Variants in TAS2R1 observed in about 807,000 individuals in gnomAD.
The protein encoded by TAS2R1 is taste receptor type 2 member 1.
For missense variants in TAS2R1, 370 were observed against 353.4 expected, an observed-to-expected ratio of 1.05 and a Z score of -0.38; for synonymous variants, 141 against 134.2, an observed-to-expected ratio of 1.05 and a Z score of -0.35.
the TAS2R1 span, among the ~76,000 whole-genome samples, chr5:9,855,568 T>C: frequency 1.3e-5 from 2 of 152,280 alleles, no homozygotes; most frequent in East Asian, 3.9e-4. Flanking sequence ...CTTCAAGTAA[T>C]TGGGCAAATG....
At chr5:9,641,601 C>A (rs1437410563) in intron 2 of TAS2R1, 2 of 152,194 alleles carry the variant, frequency 1.3e-5, no homozygotes, top group Non-Finnish European at 2.9e-5. Context: ...GAATGAGCCT[C>A]CTTTCAGTGC....
At chr5:9,821,904 T>C in the TAS2R1 span, among the ~76,000 whole-genome samples, 18 of 152,322 alleles carry the variant, frequency 1.2e-4, no homozygotes, top group African/African-American at 4.1e-4. Flanking sequence ...CAGTTTCACA[T>C]GTATAAAATC....
At chr5:9,744,204 T>C in the TAS2R1 span, among the ~76,000 whole-genome samples, 1 of 152,218 alleles carries the variant, frequency 6.6e-6, no homozygotes. Flanking sequence ...GGTTTTGACA[T>C]TTTTAAGACT....
chr5:9,661,704 G>A (rs1013336571), intron 1 of TAS2R1, among the ~76,000 whole-genome samples: 2 of 152,096 alleles, frequency 1.3e-5, no homozygotes, highest in African/African-American at 2.4e-5. Flanking sequence ...TTTATAAAAC[G>A]AAAACTAGAT....
intron 1 of TAS2R1, among the ~76,000 whole-genome samples, chr5:9,688,998 G>T (rs941164791): frequency 3.3e-5 from 5 of 152,084 alleles, no homozygotes; most frequent in African/African-American, 1.2e-4. Context: ...CGACCATCAC[G>T]GCATCAGCAC....
At chr5:9,683,536 CT>C (rs1158266713) in intron 1 of TAS2R1, among the ~76,000 whole-genome samples, 2 of 152,178 alleles carry the variant, frequency 1.3e-5, no homozygotes, top group African/African-American at 4.8e-5. Flanking sequence ...CTTGTTTCCC[CT>C]GGTCCTTTGG....
the TAS2R1 span, chr5:9,902,795 C>T: frequency 5.9e-5 from 9 of 151,886 alleles, no homozygotes; most frequent in Admixed American, 2.6e-4. Flanking sequence ...GATCAGTCCC[C>T]ACCTCCCCAT....
intron 1 of TAS2R1, among the ~76,000 whole-genome samples, chr5:9,683,470 A>G (rs886900053): frequency 5.9e-5 from 9 of 152,198 alleles, no homozygotes; most frequent in African/African-American, 2.2e-4. Context: ...CCTCGAGGCC[A>G]GTGGCTTTAC....
At chr5:9,848,628 T>C in the TAS2R1 span, among the ~76,000 whole-genome samples, 1 of 152,214 alleles carries the variant, frequency 6.6e-6, no homozygotes, top group African/African-American at 2.4e-5. Flanking sequence ...TGGAAGATGA[T>C]ACCATGTTAA....
intron 2 of TAS2R1, among the ~76,000 whole-genome samples, chr5:9,648,443 T>A (rs1740239805): frequency 6.6e-6 from 1 of 152,026 alleles, no homozygotes; most frequent in African/African-American, 2.4e-5. Flanking sequence ...AGAGGACATA[T>A]GAATGTCTTC....
At chr5:9,712,644 C>T (rs375876315), upstream of TAS2R1, among the ~76,000 whole-genome samples, 6 of 152,272 alleles carry the variant, frequency 3.9e-5, no homozygotes, top group Middle Eastern at 3.4e-3. Context: ...CCTGAATTTC[C>T]AGCCTGCTGG....
At chr5:9,659,820 C>T (rs1341302673) in intron 1 of TAS2R1, 1 of 152,002 alleles carries the variant, frequency 6.6e-6, no homozygotes, top group Non-Finnish European at 1.5e-5. Flanking sequence ...ACTTAAGGAC[C>T]ATTCCCCACC....
intron 1 of TAS2R1, among the ~76,000 whole-genome samples, chr5:9,677,761 C>T (rs1290903149): frequency 1.3e-5 from 2 of 152,138 alleles, no homozygotes; most frequent in Admixed American, 6.5e-5. Flanking sequence ...GAAGACAGTT[C>T]GACAGTTCCT....
At chr5:9,697,386 T>C (rs1346082384) in intron 1 of TAS2R1, among the ~76,000 whole-genome samples, 4 of 152,042 alleles carry the variant, frequency 2.6e-5, no homozygotes, top group Non-Finnish European at 5.9e-5. Context: ...AATAGATAAA[T>C]TATTCAGGGC....
the TAS2R1 span, among the ~76,000 whole-genome samples, chr5:9,842,897 C>G: frequency 6.6e-6 from 1 of 152,056 alleles, no homozygotes; most frequent in Non-Finnish European, 1.5e-5. Context: ...TAGTCTCTTG[C>G]CCATACAATC....
At chr5:9,719,779 G>A in the TAS2R1 span, among the ~76,000 whole-genome samples, 1 of 123,170 alleles carries the variant, frequency 8.1e-6, no homozygotes, top group East Asian at 2.1e-4. Flanking sequence ...TTAGCCGGGC[G>A]TGGTGGCGGG....
chr5:9,835,224 G>T, the TAS2R1 span, among the ~76,000 whole-genome samples: 1 of 152,354 alleles, frequency 6.6e-6, no homozygotes, highest in East Asian at 1.9e-4. Context: ...AATGGGTGAT[G>T]TTCTGGGACC....
At chr5:9,756,785 G>A in the TAS2R1 span, among the ~76,000 whole-genome samples, 1 of 152,084 alleles carries the variant, frequency 6.6e-6, no homozygotes, top group Non-Finnish European at 1.5e-5. Context: ...CAGGAGATTT[G>A]GGGCACTTGA....
chr5:9,790,759 G>T, the TAS2R1 span, among the ~76,000 whole-genome samples: 5 of 152,114 alleles, frequency 3.3e-5, no homozygotes, highest in Non-Finnish European at 5.9e-5. Context: ...CTCCTGAGTA[G>T]CTGGCATTAC....
Sources: allele counts gnomAD v4.1 joint callset (sites outside exome capture counted in the v4.1 genomes callset), GRCh38; gene constraint gnomAD v4.1.1; transcripts MANE v1.5; gene names NCBI Gene and HGNC (gene_info 2026-07-23, HGNC 2026-07-21).